The following ITGA8 variants were observed in gnomAD, a reference collection of about 807,000 sequenced individuals.
ITGA8 encodes the protein integrin subunit alpha 8.
A neutral mutation model predicts 142.3 loss-of-function variants in ITGA8; 91 were observed. The ratio of observed to expected loss-of-function variants is 0.64; its 90% confidence interval spans 0.54 to 0.76. The LOEUF (loss-of-function observed/expected upper bound fraction) is 0.76. ITGA8 is among the 30% of genes least tolerant of loss of function. ITGA8 has a pLI of 0.00. For synonymous variants in ITGA8, 505 were observed against 485.2 expected (o/e 1.04, Z -0.54); for missense variants, 1,406 against 1,327.7 (o/e 1.06, Z -0.92).
chr10:15,602,364 T>C (rs1403610938), intron 20 of ITGA8, among the ~76,000 whole-genome samples: 1 of 152,226 alleles, frequency 6.6e-6, no homozygotes, highest in Non-Finnish European at 1.5e-5. Context: ...TTATAAGTTG[T>C]GTGTATAATT....
At chr10:15,541,018 A>C (rs1461134881) in intron 27 of ITGA8, among the ~76,000 whole-genome samples, 1 of 152,178 alleles carries the variant, frequency 6.6e-6, no homozygotes, top group African/African-American at 2.4e-5. Flanking sequence ...CTTGCCCTTC[A>C]ATTTGCATTC....
In ITGA8 at chr10:15,607,540, A is replaced by G; in HGVS notation, c.1764+137T>C. ...TCAAGAGGAGAGTATTTGACCCTAA[A>G]ATAAAGTTTCCTGCTATGAAAATGA... On this transcript the variant is annotated intron_variant, in intron 17 of 29. Transcript: ENST00000378076. 4 of 799,738 alleles carry G rather than the reference A, an allele frequency of 5.0e-6. No homozygotes were observed. The Admixed American group carries it at 8.7e-5, about 17-fold the overall frequency. 49.5% of individuals were successfully genotyped at this position (799,738 alleles called of 1,614,324 possible).
At chr10:15,595,286 A>C (rs1220090970) in intron 21 of ITGA8, among the ~76,000 whole-genome samples, 3 of 152,190 alleles carry the variant, frequency 2.0e-5, no homozygotes, top group African/African-American at 7.2e-5. Flanking sequence ...AATCTTTAGC[A>C]CTGCTTTTCC....
intron 15 of ITGA8, among the ~76,000 whole-genome samples, chr10:15,612,054 A>C (rs1452312869): frequency 6.6e-6 from 1 of 152,178 alleles, no homozygotes; most frequent in Non-Finnish European, 1.5e-5. Flanking sequence ...TCATTTAATC[A>C]TGCAGGGGTA....
chr10:15,644,286 G>A (rs1333153806), intron 12 of ITGA8, 65 bp from the exon 13 acceptor site: 2 of 1,444,816 alleles, frequency 1.4e-6, no homozygotes, highest in African/African-American at 2.8e-5. Context: ...GTTCATTTTA[G>A]AGACAGGACC....
intron 17 of ITGA8, among the ~76,000 whole-genome samples, chr10:15,607,450 G>T (rs1183371805): frequency 1.3e-5 from 2 of 152,274 alleles, no homozygotes; most frequent in African/African-American, 4.8e-5. Flanking sequence ...TAAAGATTTT[G>T]ATCAAAATGA....
intron 13 of ITGA8, among the ~76,000 whole-genome samples, chr10:15,618,102 G>A (rs1156742028): frequency 6.6e-6 from 1 of 152,164 alleles, no homozygotes; most frequent in Non-Finnish European, 1.5e-5. Context: ...GGGAGATAAA[G>A]GTTGAAGAAT....
chr10:15,551,457 A>G (rs1252786076), intron 26 of ITGA8, among the ~76,000 whole-genome samples: 1 of 152,084 alleles, frequency 6.6e-6, no homozygotes, highest in Non-Finnish European at 1.5e-5. Context: ...AATGCTGGAG[A>G]GGCATCAAGA....
At chr10:15,648,276 A>T (rs1218585086) in intron 11 of ITGA8, among the ~76,000 whole-genome samples, 2 of 152,162 alleles carry the variant, frequency 1.3e-5, no homozygotes, top group Non-Finnish European at 1.5e-5. Flanking sequence ...TAATCTCAAG[A>T]GTGACCTGGG....
At chr10:15,694,631 ATATT>A (rs1164480026) in intron 2 of ITGA8, among the ~76,000 whole-genome samples, 2 of 135,202 alleles carry the variant, frequency 1.5e-5, no homozygotes, top group African/African-American at 2.7e-5. Context: ...ATTTATTAAT[ATATT>A]TATATAATAT....
rs890278228 is a variant in ITGA8, at chr10:15,515,573, A to G, written c.*1585T>C. 2.7e-5 allele frequency: 4 copies of G among 149,888 alleles called. No individual in the cohort carries two copies. Among genetic ancestry groups the G allele is most frequent in the Admixed American group, 6.8e-5 (1 of 14,812 alleles). 9.3% of individuals were successfully genotyped at this position (149,888 alleles called of 1,614,324 possible). ...CTTTGTAAACTTAAGGATTTGGGTC[A>G]GCTTGTTCTATCATACTTAACATTT... On this transcript the variant is annotated 3_prime_UTR_variant, in exon 30 of 30. Coordinates refer to ENST00000378076, the MANE Select transcript of ITGA8 (RefSeq NM_003638.3).
At chr10:15,630,161 A>G (rs1833659274) in intron 13 of ITGA8, among the ~76,000 whole-genome samples, 1 of 152,030 alleles carries the variant, frequency 6.6e-6, no homozygotes, top group Non-Finnish European at 1.5e-5. Flanking sequence ...ATTTATTTTA[A>G]AGGGCATCAT....
chr10:15,605,750 A>T lies in ITGA8; in HGVS notation c.1944T>A (p.Val648=), dbSNP rs547398572. The change falls in exon 19 of 30, where the codon GTT becomes GTA. Residue 648 remains valine, a synonymous_variant. Transcript: ENST00000378076. ...LVDCGEDNLC[V]PDLKLSARPD... is the part of the protein sequence containing the mutation. Reference sequence around the variant, plus strand: ...GTCTAGCCGACAGCTTCAAGTCAGGAACACACAGATTGTCTTCTCCACAGT... The same window carrying T: ...GTCTAGCCGACAGCTTCAAGTCAGGTACACACAGATTGTCTTCTCCACAGT... The T allele has an allele frequency of 2.7e-4, 436 of 1,613,554 alleles. 6 individuals carry two copies. The South Asian group carries it at 4.7e-3, about 17-fold the overall frequency.
At position 15,517,064 on chromosome 10, in the gene ITGA8, G is replaced by T; in HGVS notation, c.*94C>A. On this transcript the variant is annotated 3_prime_UTR_variant, in exon 30 of 30. Transcript: ENST00000378076. Reference sequence around the variant, plus strand: ...CCTCCATTTCCTGGGTCACTGTCAGGTATCAGAAAGCTTTGATTTTTAACC... The same window carrying T: ...CCTCCATTTCCTGGGTCACTGTCAGTTATCAGAAAGCTTTGATTTTTAACC... 1 of 819,734 alleles carries T rather than the reference G, an allele frequency of 1.2e-6. No homozygotes were observed. Among genetic ancestry groups the T allele is most frequent in the Non-Finnish European group, 1.9e-6 (1 of 534,176 alleles). 50.8% of individuals were successfully genotyped at this position (819,734 alleles called of 1,614,324 possible).
At chr10:15,711,615 C>T (rs989699286) in intron 2 of ITGA8, among the ~76,000 whole-genome samples, 2 of 151,348 alleles carry the variant, frequency 1.3e-5, no homozygotes. Context: ...TCATGTATCC[C>T]CCACCACAAT....
chr10:15,675,389 T>C lies in ITGA8; in HGVS notation c.676+2203A>G, dbSNP rs961576857. ...GCGTCAGAAACACTCCCTTACCACC[T>C]TTCTTCCCTTACCAGCATATATCCA... On this transcript the variant is annotated intron_variant, in intron 6 of 29. Coordinates refer to ENST00000378076, the MANE Select transcript of ITGA8 (RefSeq NM_003638.3). Among the ~76,000 whole-genome samples the C allele has an allele frequency of 4.1e-4, 62 of 152,178 alleles. 1 individual carries two copies. Among genetic ancestry groups the C allele is most frequent in the African/African-American group, 1.5e-3 (61 of 41,436 alleles).
chr10:15,643,574 G>T (rs1259073266), intron 13 of ITGA8, among the ~76,000 whole-genome samples: 2 of 152,166 alleles, frequency 1.3e-5, no homozygotes, highest in Admixed American at 6.6e-5. Flanking sequence ...GAGCCACCAT[G>T]ATGGGCCAAG....
chr10:15,604,878 A>C (rs1278222197), intron 19 of ITGA8, among the ~76,000 whole-genome samples: 1 of 152,208 alleles, frequency 6.6e-6, no homozygotes, highest in Non-Finnish European at 1.5e-5. Flanking sequence ...AGATACAATA[A>C]GATCTTAAAT....
rs1447310923 is a variant in ITGA8, at chr10:15,519,340, T to C, written c.3055A>G (p.Ile1019Val). Residue 1019 changes from isoleucine (I) to valine (V), a missense_variant, in exon 29 of 30, where the codon ATA (isoleucine) becomes GTA (valine). By Grantham distance (29) the Ile-to-Val change is conservative. Transcript: ENST00000378076. The stretch of plus-strand genomic sequence containing the variant: ...GCGAGAACCAACAATCCAAGAAGTA[T>C]TGCTAGTATTATTACCCATAATGGG... ...SIPLWVIILA[I>V]LLGLLVLAIL... 6.2e-7 allele frequency: 1 copy of C among 1,613,744 alleles called. No individual in the cohort carries two copies. Among genetic ancestry groups the C allele is most frequent in the Admixed American group, 1.7e-5 (1 of 60,012 alleles).
Sources: allele counts gnomAD v4.1 joint callset (sites outside exome capture counted in the v4.1 genomes callset), GRCh38; gene constraint gnomAD v4.1.1; transcripts MANE v1.5; gene names NCBI Gene and HGNC (gene_info 2026-07-23, HGNC 2026-07-21).